The following SCN8A variants were observed in gnomAD, a reference collection of about 807,000 sequenced individuals.
SCN8A encodes sodium voltage-gated channel alpha subunit 8, also known as sodium channel protein type 8 subunit alpha.
Under a neutral mutation model 184.1 loss-of-function variants are expected in SCN8A, and 30 were observed. That is an observed-to-expected ratio of 0.16 (90% CI 0.12 to 0.22). SCN8A has a LOEUF of 0.22. SCN8A is among the 10% of genes least tolerant of loss of function. The pLI, the probability that SCN8A is intolerant of heterozygous loss-of-function variation, is 1.00. For missense variants in SCN8A, 1,057 were observed against 2,498.9 expected (o/e 0.42, Z 12.30); for synonymous variants, 852 against 907.0 (o/e 0.94, Z 1.09).
intron 3 of SCN8A, among the ~76,000 whole-genome samples, chr12:51,685,927 A>G (rs1253619672): frequency 1.3e-5 from 2 of 152,240 alleles, no homozygotes; most frequent in Non-Finnish European, 2.9e-5. Context: ...AGATTTTCAA[A>G]TAACTAGCTA....
chr12:51,810,364 A>G lies in SCN8A; in HGVS notation c.*2935A>G. On this transcript the variant is annotated 3_prime_UTR_variant, in exon 27 of 27. Transcript: ENST00000627620. The stretch of plus-strand genomic sequence containing the variant: ...CCACACTTCTTTGGTAGTAAATGAC[A>G]CCATCACCAGCAGTTTACACCCGCA... 2.4e-6 allele frequency: 1 copy of G among 410,936 alleles called. No homozygotes were observed. The highest frequency in any genetic ancestry group is 4.9e-6 in the Non-Finnish European group (1 of 204,090). The allele number at this position is 410,936 out of a possible 1,614,324, so 25.5% of individuals were successfully genotyped here. A position where few individuals can be genotyped will look rare whatever the true frequency, so the allele number is the denominator to read the frequency against.
At chr12:51,699,310 T>G (rs955525904) in intron 6 of SCN8A, among the ~76,000 whole-genome samples, 1 of 152,216 alleles carries the variant, frequency 6.6e-6, no homozygotes. Flanking sequence ...GATGGGAAAG[T>G]GTTCCCAGGA....
chr12:51,624,898 CTA>C (rs1006036329), intron 1 of SCN8A, among the ~76,000 whole-genome samples: 3 of 151,884 alleles, frequency 2.0e-5, no homozygotes, highest in African/African-American at 7.3e-5. Flanking sequence ...GTTCAAAACA[CTA>C]TTTTCTAAGG....
At chr12:51,762,278 C>A (rs1250808165) in intron 14 of SCN8A, among the ~76,000 whole-genome samples, 2 of 152,092 alleles carry the variant, frequency 1.3e-5, no homozygotes, top group African/African-American at 4.8e-5. Flanking sequence ...GTTCTGGCAA[C>A]AAAGATGGGA....
chr12:51,674,139 A>G (rs1174355928), intron 2 of SCN8A, among the ~76,000 whole-genome samples: 1 of 152,176 alleles, frequency 6.6e-6, no homozygotes, highest in African/African-American at 2.4e-5. Flanking sequence ...GTTGGAGCCA[A>G]TGAGTGCATC....
chr12:51,634,444 A>G (rs1458436050), intron 1 of SCN8A, among the ~76,000 whole-genome samples: 6 of 152,132 alleles, frequency 3.9e-5, no homozygotes, highest in Admixed American at 6.5e-5. Context: ...GAAATATTTC[A>G]TGAAACAAAT....
chr12:51,607,959 G>T (rs1164774569), intron 1 of SCN8A, among the ~76,000 whole-genome samples: 7 of 151,166 alleles, frequency 4.6e-5, no homozygotes, highest in Non-Finnish European at 8.8e-5. Context: ...ATTAGGGAGG[G>T]TTCCTTCTTT....
At chr12:51,793,519 A>G (rs1051945921) in intron 25 of SCN8A, among the ~76,000 whole-genome samples, 4 of 152,220 alleles carry the variant, frequency 2.6e-5, no homozygotes. Flanking sequence ...GCATAAGTAC[A>G]TAGGTATCAC....
intron 26 of SCN8A, among the ~76,000 whole-genome samples, chr12:51,803,681 G>C (rs1938616896): frequency 6.6e-6 from 1 of 152,026 alleles, no homozygotes; most frequent in Non-Finnish European, 1.5e-5. Flanking sequence ...CACCATATAT[G>C]GGCTGCAAGT....
At chr12:51,776,673 A>G (rs533533130) in intron 20 of SCN8A, among the ~76,000 whole-genome samples, 1 of 152,324 alleles carries the variant, frequency 6.6e-6, no homozygotes, top group African/African-American at 2.4e-5. Context: ...TGGATGAACA[A>G]TTAGTCTTGG....
intron 6 of SCN8A, among the ~76,000 whole-genome samples, chr12:51,695,331 A>G (rs1209374640): frequency 1.3e-5 from 2 of 152,252 alleles, no homozygotes; most frequent in African/African-American, 4.8e-5. Flanking sequence ...CTGAGGCTTG[A>G]AAAAGTGTCT....
At chr12:51,604,532 T>C (rs2138564273) in intron 1 of SCN8A, among the ~76,000 whole-genome samples, 1 of 152,218 alleles carries the variant, frequency 6.6e-6, no homozygotes, top group East Asian at 1.9e-4. Context: ...TGTTTCGTTT[T>C]GTTTGGTTTT....
chr12:51,754,339 T>A (rs1942640326), intron 14 of SCN8A, among the ~76,000 whole-genome samples: 1 of 140,664 alleles, frequency 7.1e-6, no homozygotes, highest in Non-Finnish European at 1.6e-5. Flanking sequence ...TTTTTTTTTT[T>A]ACAATAAAAG....
chr12:51,622,408 A>G (rs1280301506), intron 1 of SCN8A, among the ~76,000 whole-genome samples: 1 of 152,164 alleles, frequency 6.6e-6, no homozygotes, highest in Non-Finnish European at 1.5e-5. Context: ...TTGCATTGTC[A>G]TTATGTCTCC....
chr12:51,708,074 T>C lies in SCN8A; in HGVS notation c.1635+1359T>C, dbSNP rs374311413. ...CAGACTTGCTTGGCAGTAAAGTATA[T>C]GTCACACCAGCAATCTTCATGTTCT... On this transcript the variant is annotated intron_variant, in intron 11 of 26. Coordinates refer to ENST00000627620, the MANE Select transcript of SCN8A (RefSeq NM_001330260.2). Among the ~76,000 whole-genome samples, 3 of 152,308 alleles carry C rather than the reference T, an allele frequency of 2.0e-5. No homozygotes were observed. In the East Asian group the frequency reaches 5.8e-4, roughly 29 times the overall value.
At position 51,625,502 on chromosome 12, in the gene SCN8A, T is replaced by C. The variant is rs1940059156; in HGVS notation, c.-55+34143T>C. Among the ~76,000 whole-genome samples the C allele has an allele frequency of 2.6e-5, 4 of 152,246 alleles. No individual in the cohort carries two copies. The South Asian group carries it at 8.3e-4, about 31-fold the overall frequency. On this transcript the variant is annotated intron_variant, in intron 1 of 26. Transcript: ENST00000627620. ...TTGTGTACAGGTTTTTATGTGAACC[T>C]GGTTTTCAGTTAACTTGGATCAATA...
intron 19 of SCN8A, among the ~76,000 whole-genome samples, chr12:51,771,420 C>T (rs1322352725): frequency 1.3e-5 from 2 of 151,202 alleles, no homozygotes; most frequent in Non-Finnish European, 2.9e-5. Flanking sequence ...GGAATCAAAG[C>T]TTAATCTGGA....
At chr12:51,684,523 T>C (rs1228184336) in intron 3 of SCN8A, among the ~76,000 whole-genome samples, 1 of 151,378 alleles carries the variant, frequency 6.6e-6, no homozygotes, top group African/African-American at 2.4e-5. Context: ...TTTTGTTTGG[T>C]ATCATTGTAT....
At chr12:51,776,313 G>C (rs1937692352) in intron 20 of SCN8A, among the ~76,000 whole-genome samples, 1 of 152,216 alleles carries the variant, frequency 6.6e-6, no homozygotes, top group Non-Finnish European at 1.5e-5. Flanking sequence ...CAAGGTGGAA[G>C]GGGGTAAAGA....
Sources: gnomAD v4.1 joint callset for allele counts (sites outside exome capture counted in the v4.1 genomes callset) on GRCh38, gnomAD v4.1.1 for gene constraint, MANE v1.5 for transcripts, NCBI Gene and HGNC (gene_info 2026-07-23, HGNC 2026-07-21) for gene names.